PCDHGB6: variants seen among roughly 807,000 people sequenced by gnomAD.
PCDHGB6 encodes the protein protocadherin gamma-B6.
PCDHGB6 carries 51 observed loss-of-function variants against 59.1 expected under a neutral mutation model. That is an observed-to-expected ratio of 0.86 (90% CI 0.69 to 1.09). The LOEUF (loss-of-function observed/expected upper bound fraction) is 1.09. Ranked by LOEUF, PCDHGB6 falls within the 50% of genes least tolerant of loss-of-function variation. PCDHGB6 has a pLI of 0.00. For synonymous variants in PCDHGB6, 466 were observed against 495.1 expected, an observed-to-expected ratio of 0.94 and a Z score of 0.78; for missense variants, 1,148 against 1,205.1, an observed-to-expected ratio of 0.95 and a Z score of 0.70.
At chr5:141,488,207 TC>T (rs2099672969) in intron 1 of PCDHGB6, among the ~76,000 whole-genome samples, 1 of 152,216 alleles carries the variant, frequency 6.6e-6, no homozygotes, top group Non-Finnish European at 1.5e-5. Context: ...AGGACTCATA[TC>T]AAGTCCCTAC....
chr5:141,438,450 A>G (rs1017249043), intron 1 of PCDHGB6, among the ~76,000 whole-genome samples: 32 of 151,738 alleles, frequency 2.1e-4, no homozygotes, highest in African/African-American at 7.5e-4. Flanking sequence ...ACTCAATACA[A>G]TGCTTGAGTT....
chr5:141,454,796 A>ATTTTTTTT (rs61612330), intron 1 of PCDHGB6, among the ~76,000 whole-genome samples: 1,488 of 77,444 alleles, frequency 0.019, 251 homozygotes, highest in African/African-American at 0.042. Flanking sequence ...CATGGTTCTA[A>ATTTTTTTT]TTTTTTTTTT....
intron 1 of PCDHGB6, among the ~76,000 whole-genome samples, chr5:141,444,885 T>C (rs547403761): frequency 6.6e-6 from 1 of 152,320 alleles, no homozygotes; most frequent in African/African-American, 2.4e-5. Flanking sequence ...TGTAGGATTT[T>C]TGAATGGGAT....
chr5:141,462,243 A>C (rs141980823), intron 1 of PCDHGB6, among the ~76,000 whole-genome samples: 70 of 152,368 alleles, frequency 4.6e-4, no homozygotes, highest in African/African-American at 1.6e-3. Flanking sequence ...TACAGGTATG[A>C]GCCACCATGA....
chr5:141,476,950 A>T lies in PCDHGB6; in HGVS notation c.2419-17857A>T, dbSNP rs1224572890. 2 of 1,614,158 alleles carry T rather than the reference A, an allele frequency of 1.2e-6. No homozygotes were observed. The highest frequency in any genetic ancestry group is 4.5e-5 in the East Asian group (2 of 44,878). ...ATCTGGATGAAGGCCCCAACGGTGA[A>T]ATTATTTACTCCTTCGGCAGCCACA... On this transcript the variant is annotated intron_variant, in intron 1 of 3. Transcript: ENST00000520790. The surrounding 1 kb of genome is among the most constrained non-coding windows in gnomAD (Gnocchi z 7.6).
Position 141,487,650 on chromosome 5 carries a change from G to A in PCDHGB6, c.2419-7157G>A. On this transcript the variant is annotated intron_variant, in intron 1 of 3. Transcript: ENST00000520790. The surrounding 1 kb of genome is among the most constrained non-coding windows in gnomAD (Gnocchi z 5.0). ...TTGCAGGCTCAACAAATGCTTGAGGGTTATTCTGATCCAGGCATATGGCTA... is the reference window on the plus strand; with the variant it reads ...TTGCAGGCTCAACAAATGCTTGAGGATTATTCTGATCCAGGCATATGGCTA... 1 of 1,613,994 alleles carries A rather than the reference G, an allele frequency of 6.2e-7. No individual in the cohort carries two copies. Among genetic ancestry groups the A allele is most frequent in the Non-Finnish European group, 8.5e-7 (1 of 1,179,954 alleles).
In PCDHGB6 at chr5:141,489,353, A is replaced by G. The variant is rs1423278514; in HGVS notation, c.2419-5454A>G. 3.7e-6 allele frequency: 6 copies of G among 1,612,316 alleles called. No homozygotes were observed. In the African/African-American group the frequency reaches 6.7e-5, roughly 18 times the overall value. ...CAGCTTCGTTACTCAGTGGTGGAGG[A>G]GTCTGAGCCGGGGACGCTGGTGGGG... On this transcript the variant is annotated intron_variant, in intron 1 of 3. Transcript: ENST00000520790. This position sits in a 1 kb window ranked among gnomAD's most constrained non-coding sequence, Gnocchi z 4.5.
At chr5:141,447,011 C>T (rs1213312322) in intron 1 of PCDHGB6, among the ~76,000 whole-genome samples, 1 of 143,918 alleles carries the variant, frequency 6.9e-6, no homozygotes. Flanking sequence ...TCCTAGTGTT[C>T]AGTTTTGTTT....
chr5:141,510,083 G>A (rs2099879432), intron 3 of PCDHGB6, among the ~76,000 whole-genome samples: 1 of 152,104 alleles, frequency 6.6e-6, no homozygotes, highest in Non-Finnish European at 1.5e-5. Flanking sequence ...CAGAGTGCCT[G>A]GCACACAGTA....
Position 141,432,211 on chromosome 5 carries a change from C to A in PCDHGB6, c.2418+21591C>A, listed in dbSNP as rs1390215329. On this transcript the variant is annotated intron_variant, in intron 1 of 3. Coordinates refer to ENST00000520790, the MANE Select transcript of PCDHGB6 (RefSeq NM_018926.3). The surrounding 1 kb of genome is among the most constrained non-coding windows in gnomAD (Gnocchi z 6.0). The stretch of plus-strand genomic sequence containing the variant: ...CCCACGACCCCGACTGTGAAGAGAA[C>A]GCCCAGATCACTTATTCCCTGGCTG... 1 of 1,614,232 alleles carries A rather than the reference C, an allele frequency of 6.2e-7. No individual in the cohort carries two copies. Among genetic ancestry groups the A allele is most frequent in the Admixed American group, 1.7e-5 (1 of 60,032 alleles).
intron 1 of PCDHGB6, chr5:141,421,895 G>T: frequency 2.5e-6 from 4 of 1,613,730 alleles, no homozygotes; most frequent in Non-Finnish European, 3.4e-6. Context: ...GATCCCATCC[G>T]AAAGGGCGCA....
At position 141,423,462 on chromosome 5, in the gene PCDHGB6, C is replaced by A. The variant is rs371118964; in HGVS notation, c.2418+12842C>A. ...CCACGTCACATTTTGTAGGCGTGGA[C>A]GGGGTACAGGCTTTCCTGCAAACCT... On this transcript the variant is annotated intron_variant, in intron 1 of 3. Transcript: ENST00000520790. 8.1e-6 allele frequency: 13 copies of A among 1,613,808 alleles called. No homozygotes were observed. The African/African-American group carries it at 1.7e-4, about 22-fold the overall frequency.
intron 1 of PCDHGB6, among the ~76,000 whole-genome samples, chr5:141,454,701 C>G (rs1182969868): frequency 6.6e-6 from 1 of 151,760 alleles, no homozygotes; most frequent in Non-Finnish European, 1.5e-5. Context: ...CCACCATGCT[C>G]CACCTGCTTA....
intron 1 of PCDHGB6, chr5:141,428,251 T>C (rs761574102): frequency 1.1e-5 from 10 of 893,496 alleles, no homozygotes; most frequent in Middle Eastern, 2.1e-4. Flanking sequence ...ACTGCCAGAC[T>C]TCAGTGACAG....
chr5:141,413,358 G>C, intron 1 of PCDHGB6: 1 of 1,613,972 alleles, frequency 6.2e-7, no homozygotes, highest in Non-Finnish European at 8.5e-7. Flanking sequence ...TGGCGCCCCG[G>C]GAGCTGGCGG....
In PCDHGB6 at chr5:141,476,327, G is replaced by A. The variant is rs2099389169; in HGVS notation, c.2419-18480G>A. The A allele has an allele frequency of 1.2e-6, 2 of 1,614,192 alleles. No individual in the cohort carries two copies. Among genetic ancestry groups the A allele is most frequent in the African/African-American group, 1.3e-5 (1 of 75,046 alleles). On this transcript the variant is annotated intron_variant, in intron 1 of 3. Transcript: ENST00000520790. The surrounding 1 kb of genome is among the most constrained non-coding windows in gnomAD (Gnocchi z 7.6). ...AGCCCGCAGGTTCCGGGTGGTGTCT[G>A]GAGCTAGCCGAAGATTCTTTGAGGT...
chr5:141,485,259 G>C lies in PCDHGB6; in HGVS notation c.2419-9548G>C. ...TTTTACCACCTGGGTTACGTTTGTGGGCAGATCCGCTACCCGGTCCCAGAG... is the reference window on the plus strand; with the variant it reads ...TTTTACCACCTGGGTTACGTTTGTGCGCAGATCCGCTACCCGGTCCCAGAG... On this transcript the variant is annotated intron_variant, in intron 1 of 3. Coordinates refer to ENST00000520790, the MANE Select transcript of PCDHGB6 (RefSeq NM_018926.3). The surrounding 1 kb of genome is among the most constrained non-coding windows in gnomAD (Gnocchi z 5.7). 1.2e-6 allele frequency: 2 copies of C among 1,614,136 alleles called. No homozygotes were observed. The highest frequency in any genetic ancestry group is 1.7e-6 in the Non-Finnish European group (2 of 1,180,002).
chr5:141,451,976 A>T (rs2098729884), intron 1 of PCDHGB6, among the ~76,000 whole-genome samples: 1 of 152,164 alleles, frequency 6.6e-6, no homozygotes, highest in Non-Finnish European at 1.5e-5. Flanking sequence ...TTTTTGCTGT[A>T]GTTTGTTCAT....
At position 141,481,719 on chromosome 5, in the gene PCDHGB6, G is replaced by A. The variant is rs1055207250; in HGVS notation, c.2419-13088G>A. On this transcript the variant is annotated intron_variant, in intron 1 of 3. Coordinates refer to ENST00000520790, the MANE Select transcript of PCDHGB6 (RefSeq NM_018926.3). ...CTGTAATCCCAGCACTTTGGGAGGC[G>A]GAGGCGGGCGGATCACGAGGTCAGG... 5.3e-5 allele frequency among the ~76,000 whole-genome samples: 8 copies of A among 151,716 alleles called. No homozygotes were observed. In the East Asian group the frequency reaches 9.7e-4, roughly 18 times the overall value.
Sources: allele counts gnomAD v4.1 joint callset (sites outside exome capture counted in the v4.1 genomes callset), GRCh38; gene constraint gnomAD v4.1.1; non-coding constraint Gnocchi (gnomAD v3.1); transcripts MANE v1.5; gene names NCBI Gene and HGNC (gene_info 2026-07-23, HGNC 2026-07-21).